The following DYNC1I1 variants were observed in gnomAD, a reference collection of about 807,000 sequenced individuals.
DYNC1I1 encodes cytoplasmic dynein 1 intermediate chain 1.
In DYNC1I1, 43 loss-of-function variants were observed where a neutral mutation model predicts 86.6. The ratio of observed to expected loss-of-function variants is 0.50; its 90% CI spans 0.39 to 0.64. The LOEUF (loss-of-function observed/expected upper bound fraction) is 0.64, where lower values mean the gene tolerates loss of function less well. Among genes scored for constraint, DYNC1I1 ranks in the 30% least tolerant of loss-of-function variants. DYNC1I1 has a pLI of 0.00. For missense variants in DYNC1I1, 604 were observed against 788.8 expected, an observed-to-expected ratio of 0.77 and a Z score of 2.81; for synonymous variants, 262 against 283.7, an observed-to-expected ratio of 0.92 and a Z score of 0.77.
intron 10 of DYNC1I1, among the ~76,000 whole-genome samples, chr7:96,015,154 G>A (rs950154714): frequency 2.0e-5 from 3 of 151,884 alleles, no homozygotes; most frequent in African/African-American, 7.3e-5. Context: ...TTAGGGAAAA[G>A]AAAAAAATAC....
intron 14 of DYNC1I1, among the ~76,000 whole-genome samples, chr7:96,061,710 T>TCACACA (rs753791899): frequency 6.4e-4 from 72 of 112,718 alleles, no homozygotes; most frequent in African/African-American, 2.7e-3. Flanking sequence ...TCTCTCTCTC[T>TCACACA]CTCACACACA....
At chr7:95,979,036 C>T (rs1012754155) in intron 7 of DYNC1I1, among the ~76,000 whole-genome samples, 4 of 152,170 alleles carry the variant, frequency 2.6e-5, no homozygotes, top group Admixed American at 6.5e-5. Context: ...CCTCGTGATC[C>T]ACCCGCCTTA....
intron 14 of DYNC1I1, among the ~76,000 whole-genome samples, chr7:96,060,551 G>A (rs1280334911): frequency 2.0e-5 from 3 of 152,118 alleles, no homozygotes; most frequent in African/African-American, 7.2e-5. Context: ...CTATAATGGT[G>A]GATATATGTC....
chr7:95,995,249 A>AAAAT (rs71127433), intron 9 of DYNC1I1, among the ~76,000 whole-genome samples: 21,981 of 142,972 alleles, frequency 0.15, 1,807 homozygotes, highest in Middle Eastern at 0.18. Context: ...TCCATCTCAA[A>AAAAT]AAATAAATAA....
At chr7:95,780,936 C>T (rs752571208) in intron 1 of DYNC1I1, among the ~76,000 whole-genome samples, 1 of 151,730 alleles carries the variant, frequency 6.6e-6, no homozygotes, top group African/African-American at 2.4e-5. Context: ...ACCATCTGCC[C>T]GTTAGTATCA....
chr7:95,892,588 G>A (rs1269935556), intron 6 of DYNC1I1, among the ~76,000 whole-genome samples: 4 of 152,174 alleles, frequency 2.6e-5, no homozygotes, highest in African/African-American at 9.7e-5. Context: ...TGGGATTACA[G>A]GTGTAAGCCA....
rs1204727499 is a variant in DYNC1I1 at position 95,784,923 on chromosome 7, A to G, written c.-10+12150A>G. On this transcript the variant is annotated intron_variant, in intron 1 of 16. Coordinates refer to ENST00000447467, the MANE Select transcript of DYNC1I1 (RefSeq NM_001135556.2). ...TTCTTTCTTTTGGCCAGGTTCTGCC[A>G]TTCACTTGGGGCCAGCATAAACAAG... Among the ~76,000 whole-genome samples the G allele has an allele frequency of 3.3e-5, 5 of 152,204 alleles. No homozygotes were observed. In the East Asian group the frequency reaches 9.6e-4, roughly 29 times the overall value.
intron 6 of DYNC1I1, among the ~76,000 whole-genome samples, chr7:95,923,262 G>A (rs1001971826): frequency 4.5e-4 from 68 of 152,120 alleles, no homozygotes; most frequent in African/African-American, 1.5e-3. Flanking sequence ...ATTTGACCAG[G>A]ATAAGGTAGG....
At chr7:95,858,709 A>C (rs576165388) in intron 5 of DYNC1I1, among the ~76,000 whole-genome samples, 1 of 151,688 alleles carries the variant, frequency 6.6e-6, no homozygotes, top group African/African-American at 2.4e-5. Flanking sequence ...CATACATATG[A>C]TGCATTGTTG....
At chr7:95,905,051 A>C (rs1418036944) in intron 6 of DYNC1I1, among the ~76,000 whole-genome samples, 1 of 152,176 alleles carries the variant, frequency 6.6e-6, no homozygotes, top group Non-Finnish European at 1.5e-5. Context: ...TCCCTGTGTA[A>C]GTTCTCTAGT....
At chr7:95,970,937 G>GA (rs397808216) in intron 6 of DYNC1I1, among the ~76,000 whole-genome samples, 2 of 151,860 alleles carry the variant, frequency 1.3e-5, no homozygotes, top group East Asian at 1.9e-4. Flanking sequence ...TGTAAAGACA[G>GA]GCAGATTCAA....
chr7:95,998,192 T>C (rs986215561), intron 10 of DYNC1I1, among the ~76,000 whole-genome samples: 17 of 152,254 alleles, frequency 1.1e-4, no homozygotes, highest in African/African-American at 4.1e-4. Context: ...AGAGATTTTA[T>C]ACTTTAGAGG....
intron 5 of DYNC1I1, among the ~76,000 whole-genome samples, chr7:95,840,361 A>G (rs1433615962): frequency 6.6e-6 from 1 of 151,984 alleles, no homozygotes; most frequent in Non-Finnish European, 1.5e-5. Flanking sequence ...CTGCTGTTGA[A>G]ACCTCATATT....
At chr7:95,794,720 G>C (rs914834432) in intron 1 of DYNC1I1, among the ~76,000 whole-genome samples, 2 of 152,040 alleles carry the variant, frequency 1.3e-5, no homozygotes, top group African/African-American at 4.8e-5. Flanking sequence ...GTACAATTTG[G>C]GTAGCTCAGA....
chr7:95,890,395 T>C (rs890989925), intron 6 of DYNC1I1, among the ~76,000 whole-genome samples: 1 of 151,826 alleles, frequency 6.6e-6, no homozygotes, highest in Non-Finnish European at 1.5e-5. Flanking sequence ...CATGGACACA[T>C]AGAGGGGAAC....
chr7:96,081,109 TATATC>T (rs1790508416), intron 16 of DYNC1I1, among the ~76,000 whole-genome samples: 1 of 142,692 alleles, frequency 7.0e-6, no homozygotes, highest in Non-Finnish European at 1.5e-5. Flanking sequence ...GTTTGCCAAA[TATATC>T]ATGCTAAAAT....
chr7:96,042,621 G>T, intron 14 of DYNC1I1, among the ~76,000 whole-genome samples: 1 of 152,066 alleles, frequency 6.6e-6, no homozygotes, highest in East Asian at 1.9e-4. Flanking sequence ...AGCTTCTGTT[G>T]GCCCAGACAA....
intron 6 of DYNC1I1, among the ~76,000 whole-genome samples, chr7:95,945,837 T>C (rs1036929657): frequency 1.3e-5 from 2 of 152,170 alleles, no homozygotes; most frequent in Non-Finnish European, 2.9e-5. Context: ...TATTCTATTA[T>C]AAAGATACAT....
At chr7:95,883,488 A>G (rs570177383) in intron 6 of DYNC1I1, among the ~76,000 whole-genome samples, 1 of 151,830 alleles carries the variant, frequency 6.6e-6, no homozygotes, top group East Asian at 1.9e-4. Context: ...GATGTTTGAA[A>G]CTCCTTCATA....
Sources: allele counts gnomAD v4.1 joint callset (sites outside exome capture counted in the v4.1 genomes callset), GRCh38; gene constraint gnomAD v4.1.1; transcripts MANE v1.5; gene names NCBI Gene and HGNC (gene_info 2026-07-23, HGNC 2026-07-21).